The following GRIN2B variants were observed in gnomAD, a reference collection of about 807,000 sequenced individuals.
GRIN2B encodes glutamate receptor ionotropic, NMDA 2B.
Under a neutral mutation model 114.5 loss-of-function variants are expected in GRIN2B, and 5 were observed. That is an observed-to-expected ratio of 0.04 (90% confidence interval 0.02 to 0.09). GRIN2B has a LOEUF of 0.09. Ranked by LOEUF, GRIN2B falls within the 10% of genes least tolerant of loss-of-function variation. The pLI, the probability that GRIN2B is intolerant of heterozygous loss-of-function variation, is 1.00. For missense variants in GRIN2B, 1,108 were observed against 1,943.5 expected (o/e 0.57, Z 8.08); for synonymous variants, 787 against 745.1 (o/e 1.06, Z -0.92).
chr12:13,940,800 G>A (rs1024649485), intron 2 of GRIN2B, among the ~76,000 whole-genome samples: 2 of 151,976 alleles, frequency 1.3e-5, no homozygotes, highest in African/African-American at 2.4e-5. Flanking sequence ...ATTCTGTAAC[G>A]GATGAGTGTT....
intron 9 of GRIN2B, 57 bp downstream of exon 9, chr12:13,611,668 G>A: frequency 1.3e-6 from 2 of 1,561,456 alleles, no homozygotes; most frequent in South Asian, 1.1e-5. Flanking sequence ...GGAGTCCAGA[G>A]ATTTGAAAAT....
chr12:13,658,414 G>A (rs547408774), intron 5 of GRIN2B, among the ~76,000 whole-genome samples: 6 of 151,900 alleles, frequency 3.9e-5, no homozygotes, highest in Non-Finnish European at 5.9e-5. Flanking sequence ...ACAAAATATC[G>A]TTACATAAAA....
At chr12:13,769,637 G>C (rs1863868854) in intron 3 of GRIN2B, among the ~76,000 whole-genome samples, 1 of 152,214 alleles carries the variant, frequency 6.6e-6, no homozygotes, top group South Asian at 2.1e-4. Flanking sequence ...TTTATAGTTT[G>C]CTTGGAGATT....
chr12:13,715,038 T>C (rs1353835562), intron 4 of GRIN2B, among the ~76,000 whole-genome samples: 2 of 151,848 alleles, frequency 1.3e-5, no homozygotes, highest in Non-Finnish European at 2.9e-5. Flanking sequence ...TCTTAGCGCA[T>C]TGCTGGAGTA....
At chr12:13,924,588 T>C (rs1866883211) in intron 2 of GRIN2B, among the ~76,000 whole-genome samples, 1 of 152,194 alleles carries the variant, frequency 6.6e-6, no homozygotes, top group South Asian at 2.1e-4. Context: ...TGCTCTCTCC[T>C]GGCCAATGCT....
chr12:13,589,022 G>A (rs1420770493), intron 10 of GRIN2B, among the ~76,000 whole-genome samples: 2 of 152,106 alleles, frequency 1.3e-5, no homozygotes, highest in Non-Finnish European at 2.9e-5. Flanking sequence ...TATCTCCAAC[G>A]TCTCACAAGG....
Position 13,564,865 on chromosome 12 carries a change from G to T in GRIN2B, c.2599-226C>A, listed in dbSNP as rs946192962. ...AGGTCAGTGACCTGGCCATCAGAGG[G>T]GGGGGCATGGCCCCACCCAGTAACT... is the stretch of plus-strand genomic sequence containing the variant. On this transcript the variant is annotated intron_variant, in intron 13 of 13. Transcript: ENST00000609686. This position sits in a 1 kb window ranked among gnomAD's most constrained non-coding sequence, Gnocchi z 4.8. 6.6e-6 allele frequency among the ~76,000 whole-genome samples: 1 copy of T among 152,196 alleles called. No individual in the cohort carries two copies. The highest frequency in any genetic ancestry group is 1.5e-5 in the Non-Finnish European group (1 of 68,030).
chr12:13,594,174 G>A (rs1949043347), intron 10 of GRIN2B, among the ~76,000 whole-genome samples: 1 of 152,122 alleles, frequency 6.6e-6, no homozygotes, highest in Non-Finnish European at 1.5e-5. Context: ...CCATTACTGG[G>A]TATATACCCA....
In GRIN2B at chr12:13,759,685, G is replaced by A. The variant is rs542487204; in HGVS notation, c.412-5770C>T. Reference sequence around the variant, plus strand: ...GATGTTCTTCATCCAATCCCTGCAAGAGCATGCTCAATGGTACCACTGGCT... The same window carrying A: ...GATGTTCTTCATCCAATCCCTGCAAAAGCATGCTCAATGGTACCACTGGCT... On this transcript the variant is annotated intron_variant, in intron 3 of 13. Coordinates refer to ENST00000609686, the MANE Select transcript of GRIN2B (RefSeq NM_000834.5). Among the ~76,000 whole-genome samples, 4 of 152,316 alleles carry A rather than the reference G, an allele frequency of 2.6e-5. No individual in the cohort carries two copies. The East Asian group carries it at 5.8e-4, about 22-fold the overall frequency.
chr12:13,981,211 G>A (rs1863132556), intron 1 of GRIN2B, 131 bp downstream of exon 1: 1 of 152,138 alleles, frequency 6.6e-6, no homozygotes, highest in South Asian at 2.1e-4. Context: ...CAAGTGCCGG[G>A]TTCTGCTGGA....
At chr12:13,877,133 G>C (rs1332206426) in intron 2 of GRIN2B, among the ~76,000 whole-genome samples, 1 of 152,178 alleles carries the variant, frequency 6.6e-6, no homozygotes, top group Non-Finnish European at 1.5e-5. Flanking sequence ...GTTTATATGA[G>C]AGTTGCATGT....
chr12:13,573,466 G>T (rs2136417866), intron 10 of GRIN2B, among the ~76,000 whole-genome samples: 1 of 149,188 alleles, frequency 6.7e-6, no homozygotes, highest in African/African-American at 2.5e-5. Context: ...TAAAGTGCTT[G>T]GCACAGCACC....
chr12:13,697,624 A>C (rs1251666903), intron 4 of GRIN2B, among the ~76,000 whole-genome samples: 1 of 152,180 alleles, frequency 6.6e-6, no homozygotes, highest in Non-Finnish European at 1.5e-5. Context: ...CATTTTGTCC[A>C]AGGTTGCACT....
chr12:13,666,077 C>T (rs753599064), intron 5 of GRIN2B, among the ~76,000 whole-genome samples: 17 of 152,274 alleles, frequency 1.1e-4, no homozygotes, highest in East Asian at 7.7e-4. Flanking sequence ...AAGGCATCCA[C>T]CAGAAGTTTG....
At chr12:13,792,789 C>A (rs973861266) in intron 3 of GRIN2B, among the ~76,000 whole-genome samples, 2 of 152,128 alleles carry the variant, frequency 1.3e-5, no homozygotes, top group Admixed American at 6.5e-5. Context: ...GAAACATTGG[C>A]AGCACCCAGG....
Position 13,563,268 on chromosome 12 carries a change from G to A in GRIN2B, c.3970C>T (p.Leu1324=). 1 of 1,614,232 alleles carries A rather than the reference G, an allele frequency of 6.2e-7. No individual in the cohort carries two copies. Among genetic ancestry groups the A allele is most frequent in the African/African-American group, 1.3e-5 (1 of 75,052 alleles). The stretch of plus-strand genomic sequence containing the variant: ...TCCATGAATCGGCCCTTGTCTTTCA[G>A]GCTTACGCTGCGCGGGGCCAGGGCG... The part of the protein sequence containing the change: ...EAALAPRSVS[L]KDKGRFMDGS... The change falls in exon 14 of 14, where the codon CTG becomes TTG. Residue 1324 remains leucine, a synonymous_variant. Coordinates refer to ENST00000609686, the MANE Select transcript of GRIN2B (RefSeq NM_000834.5).
intron 10 of GRIN2B, among the ~76,000 whole-genome samples, chr12:13,595,898 C>T (rs1280381264): frequency 6.6e-6 from 1 of 152,120 alleles, no homozygotes; most frequent in Non-Finnish European, 1.5e-5. Flanking sequence ...TTGCTCAGTG[C>T]TCCAAGTCAA....
chr12:13,561,844 C>T lies in GRIN2B; in HGVS notation c.*939G>A, dbSNP rs1351924137. ...TTTTTTGTTTAGACCACAGAATCTT[C>T]TTTATCAAGAATTTTCATTCTCCTT... On this transcript the variant is annotated 3_prime_UTR_variant, in exon 14 of 14. Transcript: ENST00000609686. 1 of 152,618 alleles carries T rather than the reference C, an allele frequency of 6.6e-6. No homozygotes were observed. Among genetic ancestry groups the T allele is most frequent in the Non-Finnish European group, 1.5e-5 (1 of 68,034 alleles). 9.5% of individuals were successfully genotyped at this position (152,618 alleles called of 1,614,324 possible). A position where few individuals can be genotyped will look rare whatever the true frequency, so the allele number is the denominator to read the frequency against.
chr12:13,691,293 A>T (rs1011645133), intron 4 of GRIN2B, among the ~76,000 whole-genome samples: 2 of 152,216 alleles, frequency 1.3e-5, no homozygotes, highest in African/African-American at 4.8e-5. Context: ...CCTGAAGTGA[A>T]TATTTCATGG....
Sources: allele counts gnomAD v4.1 joint callset (sites outside exome capture counted in the v4.1 genomes callset), GRCh38; gene constraint gnomAD v4.1.1; non-coding constraint Gnocchi (gnomAD v3.1); transcripts MANE v1.5; gene names NCBI Gene and HGNC (gene_info 2026-07-23, HGNC 2026-07-21).